RYR1: variants seen among roughly 807,000 people sequenced by gnomAD.
RYR1 encodes the protein ryanodine receptor 1.
In RYR1, 342 loss-of-function variants were observed where a neutral mutation model predicts 583.5. The observed-to-expected ratio is 0.59, with a 90% confidence interval of 0.54 to 0.64. The LOEUF (loss-of-function observed/expected upper bound fraction) is 0.64, where lower values mean the gene tolerates loss of function less well. Ranked by LOEUF, RYR1 falls within the 30% of genes least tolerant of loss-of-function variation. RYR1 has a pLI of 0.00. For missense variants in RYR1, 6,032 were observed against 6,917.2 expected, an observed-to-expected ratio of 0.87 and a Z score of 4.54; for synonymous variants, 2,791 against 2,822.5, an observed-to-expected ratio of 0.99 and a Z score of 0.35.
In RYR1 at chr19:38,464,600, G is replaced by A. The variant is rs1001682898; in HGVS notation, c.2787-39G>A. On this transcript the variant is annotated intron_variant, in intron 22 of 105. Transcript: ENST00000359596. Reference sequence around the variant, plus strand: ...GGGAGGAGACGGGGCAGGGAGCTCTGAGGGGCGTGACCTGTCGCCTCCACT... The same window carrying A: ...GGGAGGAGACGGGGCAGGGAGCTCTAAGGGGCGTGACCTGTCGCCTCCACT... 7.8e-6 allele frequency: 12 copies of A among 1,532,074 alleles called. No individual in the cohort carries two copies. In the African/African-American group the frequency reaches 1.6e-4, roughly 21 times the overall value. 94.9% of individuals were successfully genotyped at this position (1,532,074 alleles called of 1,614,324 possible).
In RYR1 at chr19:38,543,310, T is replaced by C. The variant is rs372782372; in HGVS notation, c.11690-37T>C. The stretch of plus-strand genomic sequence containing the variant: ...CCCACTGTTCATCTCCCCTAGCACA[T>C]GGGAGGTGCTGGATAAATGACTTTT... On this transcript the variant is annotated intron_variant, in intron 84 of 105. Transcript: ENST00000359596. The surrounding 1 kb of genome is among the most constrained non-coding windows in gnomAD (Gnocchi z 4.4). 57 of 1,562,096 alleles carry C rather than the reference T, an allele frequency of 3.6e-5. No homozygotes were observed. The African/African-American group carries it at 7.2e-4, about 20-fold the overall frequency.
At chr19:38,567,272 G>T (rs969801344) in intron 92 of RYR1, among the ~76,000 whole-genome samples, 2 of 152,124 alleles carry the variant, frequency 1.3e-5, no homozygotes, top group African/African-American at 4.8e-5. Flanking sequence ...GCTGCAGTGA[G>T]CCCTGATCGC....
chr19:38,559,510 A>G (rs1198284282), intron 89 of RYR1, among the ~76,000 whole-genome samples: 3 of 152,030 alleles, frequency 2.0e-5, no homozygotes, highest in East Asian at 3.9e-4. Context: ...CTGGGATTAC[A>G]GGCATGAGCC....
At chr19:38,522,466 C>T (rs1971266315) in intron 67 of RYR1, among the ~76,000 whole-genome samples, 1 of 151,844 alleles carries the variant, frequency 6.6e-6, no homozygotes, top group Non-Finnish European at 1.5e-5. Context: ...ATTAGCCAGG[C>T]CTGGGCATGG....
At chr19:38,536,281 G>GC (rs71165557) in intron 82 of RYR1, among the ~76,000 whole-genome samples, 119 of 62,432 alleles carry the variant, frequency 1.9e-3, no homozygotes, top group Non-Finnish European at 2.5e-3. Flanking sequence ...ACCCACCTCC[G>GC]CCCCCCCCCG....
At chr19:38,556,804 A>G (rs1333821937) in intron 89 of RYR1, among the ~76,000 whole-genome samples, 1 of 152,286 alleles carries the variant, frequency 6.6e-6, no homozygotes, top group South Asian at 2.1e-4. Flanking sequence ...GACCTGACCA[A>G]TGCGTCCTTG....
chr19:38,506,421 G>T (rs1199525374), intron 55 of RYR1, 44 bp downstream of exon 55: 7 of 1,613,526 alleles, frequency 4.3e-6, no homozygotes, highest in East Asian at 2.2e-5. Flanking sequence ...GTGTCTTTGG[G>T]GGGGCTGGCA....
At chr19:38,569,897 C>G (rs925611780) in intron 93 of RYR1, among the ~76,000 whole-genome samples, 9 of 152,210 alleles carry the variant, frequency 5.9e-5, no homozygotes, top group Admixed American at 4.6e-4. Flanking sequence ...GCCGAGGTGG[C>G]TCACACCTAT....
chr19:38,504,016 A>G (rs529872320), intron 49 of RYR1, among the ~76,000 whole-genome samples: 1 of 152,326 alleles, frequency 6.6e-6, no homozygotes, highest in South Asian at 2.1e-4. Flanking sequence ...CTAAATTAAG[A>G]ATGCTAAATT....
Position 38,519,446 on chromosome 19 carries a change from C to T in RYR1, c.10251C>T (p.Asp3417=). The change falls in exon 67 of 106, where the codon GAC becomes GAT. Residue 3417 remains aspartate (D), a synonymous_variant. Coordinates refer to ENST00000359596, the MANE Select transcript of RYR1 (RefSeq NM_000540.3). Reference sequence around the variant, plus strand: ...ATCCGCTGCTCATCCGCTACGTGGACAACAACAGGTCAGCGGGGCCCCGCT... The same window carrying T: ...ATCCGCTGCTCATCCGCTACGTGGATAACAACAGGTCAGCGGGGCCCCGCT... ...ALYPLLIRYV[D]NNRAQWLTEP... The T allele has an allele frequency of 6.3e-7, 1 of 1,596,392 alleles. No individual in the cohort carries two copies. The highest frequency in any genetic ancestry group is 8.5e-7 in the Non-Finnish European group (1 of 1,172,548).
intron 89 of RYR1, among the ~76,000 whole-genome samples, chr19:38,560,756 A>C (rs1037324750): frequency 1.3e-5 from 2 of 148,560 alleles, no homozygotes; most frequent in African/African-American, 5.0e-5. Context: ...AAAAAGAGAA[A>C]GAAAAAGAAA....
rs201803186 is a variant in RYR1 at position 38,496,900 on chromosome 19, C to T, written c.6837C>T (p.Ser2279=). ...GSTPLDVAAA[S]VIDNNELALA... Reference sequence around the variant, plus strand: ...CGCCCCTGGACGTGGCTGCTGCCTCCGTCATTGACAACAATGAGCTGGCCT... The same window carrying T: ...CGCCCCTGGACGTGGCTGCTGCCTCTGTCATTGACAACAATGAGCTGGCCT... The change falls in exon 42 of 106, where the codon TCC becomes TCT. Residue 2279 remains serine, a synonymous_variant. Transcript: ENST00000359596. This position sits in a 1 kb window ranked among gnomAD's most constrained non-coding sequence, Gnocchi z 4.8. The T allele has an allele frequency of 3.2e-5, 52 of 1,613,508 alleles. No individual in the cohort carries two copies. The East Asian group carries it at 8.0e-4, about 25-fold the overall frequency.
intron 83 of RYR1, chr19:38,537,124 C>G: frequency 2.5e-6 from 1 of 393,582 alleles, no homozygotes; most frequent in South Asian, 2.9e-5. Flanking sequence ...GATCCCCACT[C>G]CCACCTACTC....
intron 93 of RYR1, among the ~76,000 whole-genome samples, chr19:38,568,196 A>T (rs1193301706): frequency 6.6e-6 from 1 of 151,942 alleles, no homozygotes; most frequent in Admixed American, 6.6e-5. Flanking sequence ...TTCCACCTCC[A>T]TCCTCTGTCC....
At chr19:38,509,049 AC>A (rs35260785) in intron 58 of RYR1, among the ~76,000 whole-genome samples, 48,876 of 147,814 alleles carry the variant, frequency 0.33, 8,476 homozygotes, top group South Asian at 0.47. Context: ...TCCCTTAGAG[AC>A]CCCCCCCAGC....
chr19:38,505,817 T>C lies in RYR1; in HGVS notation c.8412T>C (p.Ile2804=). Residue 2804 remains isoleucine (I), a synonymous_variant, in exon 54 of 106, where the codon ATT becomes ATC. Coordinates refer to ENST00000359596, the MANE Select transcript of RYR1 (RefSeq NM_000540.3). ...YKTFSEKDKE[I]YRWPIKESLK... is the part of the protein sequence containing the mutation. ...CCTGTCCACCCCAGGACAAAGAGAT[T>C]TACCGCTGGCCCATCAAGGAGTCCC... The C allele has an allele frequency of 6.2e-7, 1 of 1,614,106 alleles. No individual in the cohort carries two copies. The highest frequency in any genetic ancestry group is 1.1e-5 in the South Asian group (1 of 91,076).
At chr19:38,557,663 G>A (rs1972938538) in intron 89 of RYR1, among the ~76,000 whole-genome samples, 1 of 152,212 alleles carries the variant, frequency 6.6e-6, no homozygotes, top group South Asian at 2.1e-4. Flanking sequence ...AATTAGCTAG[G>A]CATGGTGGCC....
chr19:38,461,740 AGAAAGG>A (rs1395263590), intron 20 of RYR1, among the ~76,000 whole-genome samples: 1 of 136,156 alleles, frequency 7.3e-6, no homozygotes, highest in South Asian at 2.5e-4. Flanking sequence ...AAAAAAAAAA[AGAAAGG>A]GAGAGAGAGA....
chr19:38,489,278 G>A lies in RYR1; in HGVS notation c.5649G>A (p.Glu1883=). ...EEEEEEDEEE[E]GEEEDEEEKE... ...AAGAGGAGGAGGACGAGGAGGAAGA[G>A]GGTGAAGAGGAAGATGAGGAGGAGA... The change falls in exon 35 of 106, where the codon GAG becomes GAA. Residue 1883 remains glutamate, a synonymous_variant. Coordinates refer to ENST00000359596, the MANE Select transcript of RYR1 (RefSeq NM_000540.3). The A allele has an allele frequency of 1.9e-6, 3 of 1,607,910 alleles. No homozygotes were observed. Among genetic ancestry groups the A allele is most frequent in the East Asian group, 2.2e-5 (1 of 44,862 alleles).
Sources: allele counts gnomAD v4.1 joint callset (sites outside exome capture counted in the v4.1 genomes callset), GRCh38; gene constraint gnomAD v4.1.1; non-coding constraint Gnocchi (gnomAD v3.1); transcripts MANE v1.5; gene names NCBI Gene and HGNC (gene_info 2026-07-23, HGNC 2026-07-21).